The following STAT5B variants were observed in gnomAD, a reference collection of about 807,000 sequenced individuals.
STAT5B encodes the protein signal transducer and activator of transcription 5B, also known as transcription factor STAT5B.
A neutral mutation model predicts 107.8 loss-of-function variants in STAT5B; 21 were observed. That is an observed-to-expected ratio of 0.19 (90% CI 0.14 to 0.28). STAT5B has a LOEUF of 0.28. Among genes scored for constraint, STAT5B ranks in the 10% least tolerant of loss-of-function variants. STAT5B has a pLI of 1.00. For missense variants in STAT5B, 565 were observed against 1,008.2 expected (o/e 0.56, Z 5.95); for synonymous variants, 325 against 401.7 (o/e 0.81, Z 2.28).
rs57573850 is a variant in STAT5B, at chr17:42,201,524, G to GCACACACACACACACACA, written c.*196_*213dup. 1.6e-6 allele frequency: 1 copy of GCACACACACACACACACA among 616,552 alleles called. No homozygotes were observed. Among genetic ancestry groups the GCACACACACACACACACA allele is most frequent in the Admixed American group, 2.4e-5 (1 of 42,344 alleles). 38.2% of individuals were successfully genotyped at this position (616,552 alleles called of 1,614,324 possible). On this transcript the variant is annotated 3_prime_UTR_variant, in exon 19 of 19. Coordinates refer to ENST00000293328, the MANE Select transcript of STAT5B (RefSeq NM_012448.4). The stretch of plus-strand genomic sequence containing the variant: ...GAGAAACACCATAACGTGCAAACAC[G>GCACACACACACACACACA]CACACACACACACACACACACACAC...
At chr17:42,259,946 G>T (rs996865917) in intron 1 of STAT5B, among the ~76,000 whole-genome samples, 5 of 152,122 alleles carry the variant, frequency 3.3e-5, no homozygotes, top group Non-Finnish European at 7.4e-5. Flanking sequence ...GTGGTTTGCT[G>T]CACCAAGCGA....
At chr17:42,225,398 A>G (rs1355312010) in intron 3 of STAT5B, among the ~76,000 whole-genome samples, 1 of 152,196 alleles carries the variant, frequency 6.6e-6, no homozygotes, top group African/African-American at 2.4e-5. Flanking sequence ...AAGTTTTAAA[A>G]GCCTCGCAAG....
chr17:42,264,476 C>T lies in STAT5B; in HGVS notation c.-11+11772G>A, dbSNP rs1257705469. ...TGTGGTGTTTGGTTTTTTGTTCTTG[C>T]GATAGTTTACTGAGAATGATGATTT... On this transcript the variant is annotated intron_variant, in intron 1 of 18. Transcript: ENST00000293328. 6.6e-5 allele frequency among the ~76,000 whole-genome samples: 10 copies of T among 150,624 alleles called. No individual in the cohort carries two copies. In the East Asian group the frequency reaches 9.8e-4, roughly 15 times the overall value.
At chr17:42,238,314 CTT>C (rs778903836) in intron 1 of STAT5B, among the ~76,000 whole-genome samples, 15 of 137,740 alleles carry the variant, frequency 1.1e-4, no homozygotes, top group East Asian at 2.1e-4. Context: ...AAGAAAAAAA[CTT>C]TTTTTTTTTT....
intron 16 of STAT5B, among the ~76,000 whole-genome samples, chr17:42,203,359 T>C (rs183465876): frequency 6.6e-5 from 10 of 151,768 alleles, no homozygotes; most frequent in Non-Finnish European, 8.8e-5. Flanking sequence ...CTTCAAACCA[T>C]GGAAACTATG....
chr17:42,202,650 C>T, intron 17 of STAT5B, 107 bp downstream of exon 17: 2 of 1,586,848 alleles, frequency 1.3e-6, no homozygotes, highest in African/African-American at 1.3e-5. Context: ...AGGGCTGAGA[C>T]AGTTTCCCCG....
the STAT5B span, among the ~76,000 whole-genome samples, chr17:42,281,861 G>A: frequency 5.3e-5 from 8 of 152,232 alleles, no homozygotes; most frequent in Non-Finnish European, 8.8e-5. Flanking sequence ...TATCCAGGGA[G>A]GGTGGGGCGG....
rs2080044058 is a variant in STAT5B at position 42,201,549 on chromosome 17, CACACAA to C, written c.*183_*188del. On this transcript the variant is annotated 3_prime_UTR_variant, in exon 19 of 19. Transcript: ENST00000293328. ...GCACACACACACACACACACACACA[CACACAA>C]ACACATACTCGCACTCCCTTCGCTG... 8 of 666,100 alleles carry C rather than the reference CACACAA, an allele frequency of 1.2e-5. No individual in the cohort carries two copies. The highest frequency in any genetic ancestry group is 8.3e-5 in the South Asian group (5 of 60,332). 41.3% of individuals were successfully genotyped at this position (666,100 alleles called of 1,614,324 possible).
Position 42,218,699 on chromosome 17 carries a change from G to C in STAT5B, c.989+24C>G, listed in dbSNP as rs774193308. The C allele has an allele frequency of 3.1e-6, 5 of 1,612,212 alleles. No individual in the cohort carries two copies. The African/African-American group carries it at 5.3e-5, about 17-fold the overall frequency. ...GGCAGGAGCTGCCCCAAGCTCCTGG[G>C]CATGGCAAACAGGCAGCAGTCACCT... On this transcript the variant is annotated intron_variant, in intron 8 of 18. Transcript: ENST00000293328.
At chr17:42,204,892 G>C (rs2080073888) in intron 16 of STAT5B, among the ~76,000 whole-genome samples, 1 of 152,146 alleles carries the variant, frequency 6.6e-6, no homozygotes, top group Non-Finnish European at 1.5e-5. Flanking sequence ...GGAATTACAG[G>C]CATGAGCCAC....
chr17:42,210,021 C>T (rs913436728), intron 15 of STAT5B, 150 bp downstream of exon 15: 2 of 1,223,498 alleles, frequency 1.6e-6, no homozygotes, highest in African/African-American at 1.5e-5. Context: ...TCATAGGCTG[C>T]CTTATTATGA....
chr17:42,241,707 T>C (rs2080404735), intron 1 of STAT5B, among the ~76,000 whole-genome samples: 1 of 152,048 alleles, frequency 6.6e-6, no homozygotes, highest in African/African-American at 2.4e-5. Flanking sequence ...CCTCCCAAAG[T>C]GTTGGGATTA....
intron 12 of STAT5B, among the ~76,000 whole-genome samples, chr17:42,215,239 T>A (rs1390592844): frequency 1.3e-5 from 2 of 152,182 alleles, no homozygotes; most frequent in African/African-American, 4.8e-5. Context: ...GAAGAGGGTA[T>A]GAAGCAACTT....
intron 1 of STAT5B, among the ~76,000 whole-genome samples, chr17:42,243,112 G>GACC (rs2080418964): frequency 7.1e-6 from 1 of 140,966 alleles, no homozygotes; most frequent in Non-Finnish European, 1.5e-5. Flanking sequence ...AAACACCCAA[G>GACC]AATGATCAAT....
At chr17:42,251,987 A>T (rs1257995997) in intron 1 of STAT5B, among the ~76,000 whole-genome samples, 1 of 149,908 alleles carries the variant, frequency 6.7e-6, no homozygotes, top group African/African-American at 2.5e-5. Context: ...TGACAGAGCA[A>T]GGCTCCGTCT....
intron 1 of STAT5B, among the ~76,000 whole-genome samples, chr17:42,238,285 C>T (rs1228045390): frequency 2.6e-5 from 4 of 151,368 alleles, no homozygotes; most frequent in Non-Finnish European, 4.4e-5. Flanking sequence ...GGGCACATGC[C>T]ATCACACCTG....
chr17:42,227,217 G>A (rs1221105622), intron 3 of STAT5B, among the ~76,000 whole-genome samples: 2 of 151,370 alleles, frequency 1.3e-5, no homozygotes, highest in Non-Finnish European at 2.9e-5. Flanking sequence ...CACAAGGTAT[G>A]CAACTTACTC....
chr17:42,232,176 T>G (rs2080322814), intron 1 of STAT5B, 39 bp from the exon 2 acceptor site: 1 of 1,604,750 alleles, frequency 6.2e-7, no homozygotes, highest in Admixed American at 1.7e-5. Context: ...CGTTTTTTCT[T>G]TATTTTCCCC....
chr17:42,243,053 C>T (rs1409238323), intron 1 of STAT5B, among the ~76,000 whole-genome samples: 1 of 151,696 alleles, frequency 6.6e-6, no homozygotes, highest in Non-Finnish European at 1.5e-5. Context: ...TATCTGCTGA[C>T]CTTCCCTCCA....
Sources: allele counts gnomAD v4.1 joint callset (sites outside exome capture counted in the v4.1 genomes callset), GRCh38; gene constraint gnomAD v4.1.1; transcripts MANE v1.5; gene names NCBI Gene and HGNC (gene_info 2026-07-23, HGNC 2026-07-21).